The following GALNTL6 variants were observed in gnomAD, a reference collection of about 807,000 sequenced individuals.
GALNTL6 encodes the protein polypeptide N-acetylgalactosaminyltransferase-like 6.
GALNTL6 carries 46 observed loss-of-function variants against 73.7 expected under a neutral mutation model. The ratio of observed to expected loss-of-function variants is 0.62; its 90% CI spans 0.49 to 0.80. GALNTL6 has a LOEUF of 0.80. Among genes scored for constraint, GALNTL6 ranks in the 30% least tolerant of loss-of-function variants. The pLI is 0.00. For missense variants in GALNTL6, 604 were observed against 755.0 expected, an observed-to-expected ratio of 0.80 and a Z score of 2.34; for synonymous variants, 259 against 263.7, an observed-to-expected ratio of 0.98 and a Z score of 0.17.
chr4:172,130,240 T>C (rs1029208660), intron 2 of GALNTL6, among the ~76,000 whole-genome samples: 2 of 150,746 alleles, frequency 1.3e-5, no homozygotes, highest in Non-Finnish European at 3.0e-5. Flanking sequence ...AAGGTTGTGG[T>C]TTCCAGGCTT....
chr4:171,903,559 G>C (rs1245111754), intron 2 of GALNTL6, among the ~76,000 whole-genome samples: 3 of 148,286 alleles, frequency 2.0e-5, no homozygotes, highest in Non-Finnish European at 4.4e-5. Flanking sequence ...CGGCAGCGAG[G>C]CTGGGGGAGG....
intron 2 of GALNTL6, among the ~76,000 whole-genome samples, chr4:171,873,192 T>C (rs563008798): frequency 3.9e-5 from 6 of 152,312 alleles, no homozygotes; most frequent in African/African-American, 1.4e-4. Flanking sequence ...AAACAAATGA[T>C]CATCTGTTCT....
At chr4:172,124,608 A>G (rs1378663047) in intron 2 of GALNTL6, among the ~76,000 whole-genome samples, 1 of 152,232 alleles carries the variant, frequency 6.6e-6, no homozygotes, top group Non-Finnish European at 1.5e-5. Flanking sequence ...TAATAAAGGC[A>G]ACAAAGGAAA....
intron 2 of GALNTL6, among the ~76,000 whole-genome samples, chr4:172,062,128 T>C (rs1731223649): frequency 6.6e-6 from 1 of 151,754 alleles, no homozygotes; most frequent in Admixed American, 6.6e-5. Flanking sequence ...TTTTGTATTT[T>C]TTTTTTTAGT....
chr4:172,916,909 T>C (rs1037675879), intron 8 of GALNTL6, among the ~76,000 whole-genome samples: 10 of 152,162 alleles, frequency 6.6e-5, no homozygotes, highest in African/African-American at 2.4e-4. Flanking sequence ...TTAAAGTTCA[T>C]ATGGAACCAA....
At chr4:172,127,257 C>T (rs1733324097) in intron 2 of GALNTL6, among the ~76,000 whole-genome samples, 1 of 152,218 alleles carries the variant, frequency 6.6e-6, no homozygotes, top group African/African-American at 2.4e-5. Flanking sequence ...CTGGCTCTAC[C>T]CCTCAGTACG....
At chr4:172,615,090 G>C (rs1403663966) in intron 5 of GALNTL6, among the ~76,000 whole-genome samples, 1 of 151,656 alleles carries the variant, frequency 6.6e-6, no homozygotes, top group Non-Finnish European at 1.5e-5. Flanking sequence ...TTACAGGAAC[G>C]TGACTTCTGA....
chr4:172,884,101 T>A (rs1242202482), intron 8 of GALNTL6, among the ~76,000 whole-genome samples: 17 of 152,210 alleles, frequency 1.1e-4, no homozygotes, highest in Admixed American at 1.1e-3. Flanking sequence ...ATATCACTTC[T>A]ACATACTGAG....
At chr4:172,236,178 T>A (rs985451595) in intron 3 of GALNTL6, among the ~76,000 whole-genome samples, 7 of 152,184 alleles carry the variant, frequency 4.6e-5, no homozygotes, top group Admixed American at 3.9e-4. Flanking sequence ...TTTCAGTATG[T>A]TTTGAAATGT....
At chr4:172,490,687 C>T (rs337983) in intron 5 of GALNTL6, among the ~76,000 whole-genome samples, 150,846 of 152,238 alleles carry the variant, frequency 0.99, 74,755 homozygotes, top group Middle Eastern at 1. Flanking sequence ...TTAACAACAA[C>T]ACTCTGTGGT....
rs576167071 is a variant in GALNTL6, at chr4:172,302,336, C to T, written c.248-9278C>T. ...ATTTCCTGGGTGAGGCAATGCCTCA[C>T]CCTGCTTTGGCTTAGGCCCAGTGCA... is the stretch of plus-strand genomic sequence containing the variant. On this transcript the variant is annotated intron_variant, in intron 3 of 12. Coordinates refer to ENST00000506823, the MANE Select transcript of GALNTL6 (RefSeq NM_001034845.3). Among the ~76,000 whole-genome samples the T allele has an allele frequency of 3.3e-5, 5 of 152,252 alleles. No homozygotes were observed. The South Asian group carries it at 8.3e-4, about 25-fold the overall frequency.
intron 2 of GALNTL6, among the ~76,000 whole-genome samples, chr4:172,177,808 TATATGTGTGTGTATATATACACACAC>T (rs1560955585): frequency 2.2e-5 from 3 of 135,784 alleles, no homozygotes; most frequent in Non-Finnish European, 1.5e-5. Flanking sequence ...TACACACACA[TATATGTGTGTGTATATATACACACAC>T]ATATATATGT....
intron 2 of GALNTL6, among the ~76,000 whole-genome samples, chr4:172,107,018 C>G (rs1012619062): frequency 6.6e-6 from 1 of 152,182 alleles, no homozygotes; most frequent in Non-Finnish European, 1.5e-5. Flanking sequence ...GGATTACAGG[C>G]ATGTGCCACC....
At chr4:171,814,897 C>A (rs1290668887) in intron 2 of GALNTL6, 179 bp downstream of exon 2, 2 of 612,226 alleles carry the variant, frequency 3.3e-6, no homozygotes, top group Admixed American at 5.9e-5. Context: ...AAGATTGCAG[C>A]CAGTAACATC....
chr4:172,429,617 A>G (rs999944972), intron 5 of GALNTL6, among the ~76,000 whole-genome samples: 2 of 152,202 alleles, frequency 1.3e-5, no homozygotes, highest in East Asian at 1.9e-4. Flanking sequence ...CAATCTTTCT[A>G]TCAGAATCAC....
At chr4:172,827,993 C>G (rs1355443448) in intron 7 of GALNTL6, among the ~76,000 whole-genome samples, 1 of 151,822 alleles carries the variant, frequency 6.6e-6, no homozygotes, top group Non-Finnish European at 1.5e-5. Flanking sequence ...TACAGAGGAC[C>G]AGGCATGGTG....
chr4:172,391,524 G>A (rs943417188), intron 5 of GALNTL6, among the ~76,000 whole-genome samples: 1 of 151,966 alleles, frequency 6.6e-6, no homozygotes, highest in Non-Finnish European at 1.5e-5. Flanking sequence ...TCCTTCATAA[G>A]GGCTTTAATT....
intron 2 of GALNTL6, among the ~76,000 whole-genome samples, chr4:171,970,547 A>T (rs1037576940): frequency 6.6e-6 from 1 of 152,220 alleles, no homozygotes; most frequent in African/African-American, 2.4e-5. Flanking sequence ...CTTATCTTAA[A>T]AATTTTTAGT....
Position 172,813,609 on chromosome 4 carries a change from G to A in GALNTL6, c.809G>A (p.Gly270Glu). ...GATGTCATTGACCACAATCACTTCG[G>A]GTATGAGGCACAAGCTGGGGATGCC... ...MIDVIDHNHF[G>E]YEAQAGDAMR... The change falls in exon 7 of 13, where the codon GGG becomes GAG. Residue 270 changes from glycine (G) to glutamate (E), a missense_variant. Physicochemically the swap from Gly to Glu is moderately conservative, Grantham distance 98. Coordinates refer to ENST00000506823, the MANE Select transcript of GALNTL6 (RefSeq NM_001034845.3). 1 of 1,613,054 alleles carries A rather than the reference G, an allele frequency of 6.2e-7. No individual in the cohort carries two copies. Among genetic ancestry groups the A allele is most frequent in the East Asian group, 2.2e-5 (1 of 44,850 alleles).
Sources: allele counts gnomAD v4.1 joint callset (sites outside exome capture counted in the v4.1 genomes callset), GRCh38; gene constraint gnomAD v4.1.1; transcripts MANE v1.5; gene names NCBI Gene and HGNC (gene_info 2026-07-23, HGNC 2026-07-21).